The following PRP4K variants were observed in gnomAD, a reference collection of about 807,000 sequenced individuals.
PRP4K encodes pre-mRNA processing factor kinase PRP4K.
chr6:4,029,253 C>T, the PRP4K span, among the ~76,000 whole-genome samples: 5 of 151,690 alleles, frequency 3.3e-5, no homozygotes, highest in African/African-American at 7.3e-5. Flanking sequence ...ATATAACTGC[C>T]TTTTGTCACC....
At chr6:4,022,649 T>C in the PRP4K span, among the ~76,000 whole-genome samples, 1 of 152,328 alleles carries the variant, frequency 6.6e-6, no homozygotes, top group African/African-American at 2.4e-5. Flanking sequence ...ATTACTCAGC[T>C]AGGCAGAGAA....
At chr6:4,027,618 G>A in the PRP4K span, among the ~76,000 whole-genome samples, 1 of 134,790 alleles carries the variant, frequency 7.4e-6, no homozygotes, top group African/African-American at 2.7e-5. Flanking sequence ...TGGGGTGGGG[G>A]TTGGTCCGTG....
the PRP4K span, among the ~76,000 whole-genome samples, chr6:4,040,166 C>T: frequency 6.6e-6 from 1 of 151,852 alleles, no homozygotes; most frequent in African/African-American, 2.4e-5. Context: ...ATGTGTGTAC[C>T]ACTGCACCCA....
the PRP4K span, among the ~76,000 whole-genome samples, chr6:4,033,855 G>A: frequency 2.4e-4 from 37 of 151,642 alleles, no homozygotes; most frequent in Non-Finnish European, 1.5e-4. Flanking sequence ...TTGGCTTCCT[G>A]GATTGAGGCA....
the PRP4K span, among the ~76,000 whole-genome samples, chr6:4,024,591 G>C: frequency 1.3e-5 from 2 of 152,056 alleles, no homozygotes; most frequent in African/African-American, 4.8e-5. Flanking sequence ...AAATAACACT[G>C]GTGGTTGGTG....
chr6:4,063,613 A>T, the PRP4K span: 3 of 152,116 alleles, frequency 2.0e-5, no homozygotes, highest in Non-Finnish European at 4.4e-5. Context: ...CATTTTTTTT[A>T]AGGGAAATGA....
chr6:4,045,718 C>G, the PRP4K span, among the ~76,000 whole-genome samples: 1 of 152,170 alleles, frequency 6.6e-6, no homozygotes, highest in African/African-American at 2.4e-5. Context: ...ATCATTACTA[C>G]ATATACTAAC....
chr6:4,031,775 T>G, the PRP4K span: 1 of 1,607,958 alleles, frequency 6.2e-7, no homozygotes, highest in African/African-American at 1.3e-5. Context: ...TTATTGATGC[T>G]TCTGATAAAG....
At chr6:4,054,096 T>C in the PRP4K span, among the ~76,000 whole-genome samples, 1 of 151,964 alleles carries the variant, frequency 6.6e-6, no homozygotes, top group African/African-American at 2.4e-5. Context: ...AAAAATTTTT[T>C]TTAGAGATGA....
chr6:4,050,978 C>T, the PRP4K span, among the ~76,000 whole-genome samples: 18 of 152,076 alleles, frequency 1.2e-4, no homozygotes, highest in African/African-American at 3.6e-4. Context: ...GGCATGATCT[C>T]GGCTCACTGT....
chr6:4,029,477 A>G, the PRP4K span, among the ~76,000 whole-genome samples: 16 of 150,296 alleles, frequency 1.1e-4, no homozygotes, highest in South Asian at 3.2e-3. Context: ...CTGAATAGCT[A>G]ATTTTTTTTA....
At chr6:4,041,085 G>A in the PRP4K span, among the ~76,000 whole-genome samples, 2 of 152,286 alleles carry the variant, frequency 1.3e-5, no homozygotes, top group Admixed American at 1.3e-4. Flanking sequence ...TGTGTAGGTT[G>A]TATCACAGAG....
chr6:4,026,104 C>A, the PRP4K span, among the ~76,000 whole-genome samples: 1 of 152,144 alleles, frequency 6.6e-6, no homozygotes, highest in African/African-American at 2.4e-5. Flanking sequence ...TGGGTTCAAG[C>A]AGTTCTCCTG....
the PRP4K span, chr6:4,032,824 G>C: frequency 1.4e-6 from 2 of 1,412,638 alleles, no homozygotes; most frequent in African/African-American, 1.5e-5. Flanking sequence ...ACTAGAACTT[G>C]TGGACCATTA....
the PRP4K span, among the ~76,000 whole-genome samples, chr6:4,039,888 C>T: frequency 1.3e-5 from 2 of 149,036 alleles, no homozygotes; most frequent in Non-Finnish European, 3.0e-5. Flanking sequence ...CTCCTCTCCC[C>T]TCTCCCTTCT....
the PRP4K span, among the ~76,000 whole-genome samples, chr6:4,042,018 A>G: frequency 6.6e-6 from 1 of 152,212 alleles, no homozygotes; most frequent in East Asian, 1.9e-4. Context: ...GAGTAGAGCC[A>G]CATTCCCCTT....
At chr6:4,037,337 T>C in the PRP4K span, 2 of 1,420,166 alleles carry the variant, frequency 1.4e-6, no homozygotes, top group Non-Finnish European at 1.9e-6. Flanking sequence ...TCTTTGCATA[T>C]AGAAAAAAAT....
At chr6:4,027,897 A>G in the PRP4K span, among the ~76,000 whole-genome samples, 5 of 152,268 alleles carry the variant, frequency 3.3e-5, no homozygotes, top group African/African-American at 1.2e-4. Flanking sequence ...GAGCTTAGTG[A>G]CTAGAATTTT....
chr6:4,052,674 A>G, the PRP4K span: 2 of 1,427,568 alleles, frequency 1.4e-6, no homozygotes, highest in Non-Finnish European at 1.9e-6. Flanking sequence ...TCCATTTTGC[A>G]TTTTAACTCC....
Sources: gnomAD v4.1 joint callset for allele counts (sites outside exome capture counted in the v4.1 genomes callset) on GRCh38, gnomAD v4.1.1 for gene constraint, MANE v1.5 for transcripts, NCBI Gene and HGNC (gene_info 2026-07-23, HGNC 2026-07-21) for gene names.